Variants in NRP1 observed in about 807,000 individuals in gnomAD.
NRP1 encodes neuropilin-1.
In NRP1, 35 loss-of-function variants were observed where a neutral mutation model predicts 106.7. That is an observed-to-expected ratio of 0.33 (90% CI 0.25 to 0.43). The LOEUF (loss-of-function observed/expected upper bound fraction) is 0.43, where lower values mean the gene tolerates loss of function less well. NRP1 is among the 20% of genes least tolerant of loss of function. NRP1 has a pLI of 1.00. For synonymous variants in NRP1, 437 were observed against 417.9 expected, an observed-to-expected ratio of 1.05 and a Z score of -0.56; for missense variants, 1,024 against 1,170.4, an observed-to-expected ratio of 0.87 and a Z score of 1.83.
chr10:33,310,772 T>C (rs1846550552), intron 2 of NRP1, among the ~76,000 whole-genome samples: 1 of 152,176 alleles, frequency 6.6e-6, no homozygotes, highest in Non-Finnish European at 1.5e-5. Context: ...GAAATAAGCG[T>C]GAAATGGAAA....
intron 3 of NRP1, 32 bp downstream of exon 3, chr10:33,270,643 C>A: frequency 6.4e-7 from 1 of 1,554,344 alleles, no homozygotes; most frequent in South Asian, 1.2e-5. Context: ...AACTCTTAGT[C>A]ATTCTTGTTC....
At chr10:33,286,334 G>A (rs545659607) in intron 2 of NRP1, among the ~76,000 whole-genome samples, 2 of 152,262 alleles carry the variant, frequency 1.3e-5, no homozygotes, top group East Asian at 1.9e-4. Flanking sequence ...GTGTCACAGA[G>A]GGAAGGATGG....
intron 2 of NRP1, among the ~76,000 whole-genome samples, chr10:33,285,328 T>C (rs1844441565): frequency 1.3e-5 from 2 of 152,296 alleles, no homozygotes; most frequent in East Asian, 1.9e-4. Context: ...TTGCATTTTA[T>C]AGATGGAAAA....
Position 33,178,020 on chromosome 10 carries a change from AC to A in NRP1, c.*2055del, listed in dbSNP as rs1380257953. ...TTTAAGTCTGTTGCCTTTAAAAACA[AC>A]AAACGAGTGTTTCTTAGTGCTTTCC... On this transcript the variant is annotated 3_prime_UTR_variant, in exon 17 of 17. Transcript: ENST00000374867. 1.3e-5 allele frequency: 2 copies of A among 152,666 alleles called. No individual in the cohort carries two copies. The highest frequency in any genetic ancestry group is 6.5e-5 in the Admixed American group (1 of 15,284). 9.5% of individuals were successfully genotyped at this position (152,666 alleles called of 1,614,324 possible).
At chr10:33,226,021 C>T in intron 7 of NRP1, 113 bp downstream of exon 7, 1 of 1,209,530 alleles carries the variant, frequency 8.3e-7, no homozygotes, top group Non-Finnish European at 1.2e-6. Context: ...CTTTTCATTT[C>T]AAATCAATTC....
chr10:33,278,068 A>G (rs946087610), intron 2 of NRP1, among the ~76,000 whole-genome samples: 5 of 152,126 alleles, frequency 3.3e-5, no homozygotes, highest in Admixed American at 6.5e-5. Flanking sequence ...TACTACTTCT[A>G]TACTTTGCGA....
intron 2 of NRP1, among the ~76,000 whole-genome samples, chr10:33,301,687 G>T (rs1845811716): frequency 6.6e-6 from 1 of 151,960 alleles, no homozygotes. Flanking sequence ...AATTAAAGGG[G>T]TGTTTTTTGG....
At chr10:33,275,424 C>A (rs780787968) in intron 2 of NRP1, among the ~76,000 whole-genome samples, 1 of 152,006 alleles carries the variant, frequency 6.6e-6, no homozygotes, top group Non-Finnish European at 1.5e-5. Flanking sequence ...AAAAATTAGC[C>A]GGGCATGGTG....
At chr10:33,281,163 C>T (rs1203086174) in intron 2 of NRP1, among the ~76,000 whole-genome samples, 1 of 151,902 alleles carries the variant, frequency 6.6e-6, no homozygotes, top group African/African-American at 2.4e-5. Context: ...GATTCTCCTG[C>T]CTCAGCCTCC....
chr10:33,182,068 C>A (rs1835721794), intron 16 of NRP1, among the ~76,000 whole-genome samples: 1 of 152,030 alleles, frequency 6.6e-6, no homozygotes, highest in African/African-American at 2.4e-5. Context: ...CACTCCAAGC[C>A]TGGGTGACAG....
chr10:33,237,242 C>T (rs933698793), intron 6 of NRP1, among the ~76,000 whole-genome samples: 1 of 152,066 alleles, frequency 6.6e-6, no homozygotes, highest in Non-Finnish European at 1.5e-5. Context: ...GCACACAAGC[C>T]TATGTGGAGG....
intron 2 of NRP1, among the ~76,000 whole-genome samples, chr10:33,273,793 G>T (rs1040049584): frequency 2.0e-5 from 3 of 152,124 alleles, no homozygotes; most frequent in African/African-American, 7.2e-5. Context: ...GTCTGTCTGG[G>T]TCCCTGCTCT....
At chr10:33,246,003 T>C (rs1841393506) in intron 6 of NRP1, among the ~76,000 whole-genome samples, 1 of 152,194 alleles carries the variant, frequency 6.6e-6, no homozygotes, top group Non-Finnish European at 1.5e-5. Flanking sequence ...AGAGGCTTTT[T>C]CAAATATCAT....
At chr10:33,271,115 C>T (rs912294449) in intron 2 of NRP1, among the ~76,000 whole-genome samples, 3 of 152,110 alleles carry the variant, frequency 2.0e-5, no homozygotes, top group African/African-American at 7.2e-5. Flanking sequence ...CAGACAATGT[C>T]AGTTAAAGTA....
At chr10:33,287,214 T>C (rs1224229207) in intron 2 of NRP1, among the ~76,000 whole-genome samples, 1 of 152,228 alleles carries the variant, frequency 6.6e-6, no homozygotes, top group Non-Finnish European at 1.5e-5. Context: ...TTGATGTTTT[T>C]CTAAGTTTTC....
chr10:33,298,382 G>C lies in NRP1; in HGVS notation c.249-27526C>G, dbSNP rs577240832. ...GTTCTGGCGCTGGGCTATTCTTCAC[G>C]GCCACTCTTTACACTGAGAAACACC... On this transcript the variant is annotated intron_variant, in intron 2 of 16. Coordinates refer to ENST00000374867, the MANE Select transcript of NRP1 (RefSeq NM_003873.7). Among the ~76,000 whole-genome samples, 15 of 152,128 alleles carry C rather than the reference G, an allele frequency of 9.9e-5. No individual in the cohort carries two copies. In the South Asian group the frequency reaches 3.1e-3, roughly 32 times the overall value.
intron 11 of NRP1, chr10:33,202,436 G>A (rs1171701508): frequency 3.2e-5 from 17 of 538,638 alleles, no homozygotes; most frequent in Admixed American, 3.9e-5. Context: ...CTTAAAAGCC[G>A]CACTTCAAAT....
chr10:33,285,989 T>C (rs145445720), intron 2 of NRP1, among the ~76,000 whole-genome samples: 1 of 152,318 alleles, frequency 6.6e-6, no homozygotes, highest in African/African-American at 2.4e-5. Flanking sequence ...ATCTGTTCCG[T>C]CAACTATTGT....
At chr10:33,204,903 T>C (rs1837641354) in intron 10 of NRP1, among the ~76,000 whole-genome samples, 1 of 151,982 alleles carries the variant, frequency 6.6e-6, no homozygotes, top group Non-Finnish European at 1.5e-5. Context: ...AGCTAATTTT[T>C]GTATTTTTAG....
Sources: gnomAD v4.1 joint callset for allele counts (sites outside exome capture counted in the v4.1 genomes callset) on GRCh38, gnomAD v4.1.1 for gene constraint, MANE v1.5 for transcripts, NCBI Gene and HGNC (gene_info 2026-07-23, HGNC 2026-07-21) for gene names.